The following KIRREL3 variants were observed in gnomAD, a reference collection of about 807,000 sequenced individuals.
KIRREL3 encodes kin of IRRE-like protein 3.
KIRREL3 carries 36 observed loss-of-function variants against 89.7 expected under a neutral mutation model. That is an observed-to-expected ratio of 0.40 (90% CI 0.31 to 0.53). The LOEUF (loss-of-function observed/expected upper bound fraction) is 0.53, where lower values mean the gene tolerates loss of function less well. Among genes scored for constraint, KIRREL3 ranks in the 20% least tolerant of loss-of-function variants. The pLI, the probability that KIRREL3 is intolerant of heterozygous loss-of-function variation, is 0.49. For synonymous variants in KIRREL3, 445 were observed against 441.4 expected, an observed-to-expected ratio of 1.01 and a Z score of -0.10; for missense variants, 864 against 1,056.6, an observed-to-expected ratio of 0.82 and a Z score of 2.53.
chr11:126,863,400 TGC>T (rs1565362638), intron 1 of KIRREL3, among the ~76,000 whole-genome samples: 1 of 45,516 alleles, frequency 2.2e-5, no homozygotes, highest in African/African-American at 8.0e-5. Context: ...CGTGTGTGAG[TGC>T]GTGAGTGCGT....
In KIRREL3 at chr11:126,609,889, T is replaced by A. The variant is rs988101984; in HGVS notation, c.56-46977A>T. On this transcript the variant is annotated intron_variant, in intron 1 of 16. Coordinates refer to ENST00000525144, the MANE Select transcript of KIRREL3 (RefSeq NM_032531.4). The surrounding 1 kb of genome is among the most constrained non-coding windows in gnomAD (Gnocchi z 5.0). The stretch of plus-strand genomic sequence containing the variant: ...AGCTAACATTAATAGAACCTGATGA[T>A]GCGATAGGCACCGAGATAAGAATTT... Among the ~76,000 whole-genome samples, 1 of 152,202 alleles carries A rather than the reference T, an allele frequency of 6.6e-6. No individual in the cohort carries two copies. The highest frequency in any genetic ancestry group is 2.4e-5 in the African/African-American group (1 of 41,448).
intron 5 of KIRREL3, among the ~76,000 whole-genome samples, chr11:126,466,249 A>G (rs892265603): frequency 2.6e-5 from 4 of 152,266 alleles, no homozygotes; most frequent in African/African-American, 9.6e-5. Flanking sequence ...CCACCTAATT[A>G]GAGAAAAAGG....
intron 1 of KIRREL3, among the ~76,000 whole-genome samples, chr11:126,922,042 C>T (rs1947354571): frequency 6.6e-6 from 1 of 151,176 alleles, no homozygotes; most frequent in Non-Finnish European, 1.5e-5. Context: ...ATCTATCTAT[C>T]TTCCTATCTA....
At position 126,775,496 on chromosome 11, in the gene KIRREL3, C is replaced by T. The variant is rs185802178; in HGVS notation, c.56-212584G>A. On this transcript the variant is annotated intron_variant, in intron 1 of 16. Coordinates refer to ENST00000525144, the MANE Select transcript of KIRREL3 (RefSeq NM_032531.4). ...TGTTACTCTCCTTTCATCCCCGTGA[C>T]GACAGGCTTGGCCTTATTTGTGACC... Among the ~76,000 whole-genome samples, 158 of 152,252 alleles carry T rather than the reference C, an allele frequency of 1.0e-3. 2 individuals carry two copies. The highest frequency in any genetic ancestry group is 6.7e-3 in the Admixed American group (102 of 15,298).
Position 126,940,061 on chromosome 11 carries a change from G to A in KIRREL3, c.55+60394C>T, listed in dbSNP as rs1234017451. Among the ~76,000 whole-genome samples the A allele has an allele frequency of 6.6e-6, 1 of 152,022 alleles. No individual in the cohort carries two copies. The highest frequency in any genetic ancestry group is 1.5e-5 in the Non-Finnish European group (1 of 68,006). On this transcript the variant is annotated intron_variant, in intron 1 of 16. Transcript: ENST00000525144. The surrounding 1 kb of genome is among the most constrained non-coding windows in gnomAD (Gnocchi z 4.6). ...AGGCTTTCCCAGAGCCCATCTCTGG[G>A]GATAAAATGGACTCATTTAGCTCAT... is the stretch of plus-strand genomic sequence containing the variant.
Position 126,436,840 on chromosome 11 carries a change from T to G in KIRREL3, c.1523A>C (p.Asp508Ala). Reference protein sequence around the residue: ...NCTAWNSFGSDTEIIRLKEQG... With the variant: ...NCTAWNSFGSATEIIRLKEQG... ...CTCCTTGAGCCGGATGATCTCAGTG[T>G]CGGAGCCGAAGCTGTTCCAGGCCGT... Residue 508 changes from aspartate to alanine, a missense_variant, in exon 12 of 17, where the codon GAC (aspartate) becomes GCC (alanine). Coordinates refer to ENST00000525144, the MANE Select transcript of KIRREL3 (RefSeq NM_032531.4). 1.2e-6 allele frequency: 2 copies of G among 1,613,666 alleles called. No homozygotes were observed. The highest frequency in any genetic ancestry group is 1.7e-6 in the Non-Finnish European group (2 of 1,179,882).
chr11:126,643,521 T>C lies in KIRREL3; in HGVS notation c.56-80609A>G, dbSNP rs546810722. Among the ~76,000 whole-genome samples, 14 of 152,178 alleles carry C rather than the reference T, an allele frequency of 9.2e-5. No homozygotes were observed. The South Asian group carries it at 2.7e-3, about 29-fold the overall frequency. On this transcript the variant is annotated intron_variant, in intron 1 of 16. Transcript: ENST00000525144. This position sits in a 1 kb window ranked among gnomAD's most constrained non-coding sequence, Gnocchi z 4.5. ...TCAGGGAAAGGTGACTAGTGGGAAA[T>C]AGGACTGAAGATGTAGGCTGAGGCG...
intron 1 of KIRREL3, among the ~76,000 whole-genome samples, chr11:126,701,118 T>C (rs1947297241): frequency 6.6e-6 from 1 of 152,184 alleles, no homozygotes; most frequent in African/African-American, 2.4e-5. Context: ...TACAATGAAA[T>C]TATCTCAATG....
intron 1 of KIRREL3, among the ~76,000 whole-genome samples, chr11:126,649,445 T>C (rs756694267): frequency 2.0e-5 from 3 of 152,092 alleles, no homozygotes; most frequent in Non-Finnish European, 4.4e-5. Flanking sequence ...AGCTAGTTAC[T>C]CCCTAGATAA....
At position 126,431,625 on chromosome 11, in the gene KIRREL3, T is replaced by A; in HGVS notation, c.1589-99A>T. 8.2e-7 allele frequency: 1 copy of A among 1,214,706 alleles called. No individual in the cohort carries two copies. Among genetic ancestry groups the A allele is most frequent in the Non-Finnish European group, 1.2e-6 (1 of 862,328 alleles). The allele number at this position is 1,214,706 out of a possible 1,614,324, so 75.2% of individuals were successfully genotyped here. ...TCCTGCGGGGGCAGCCCCTGCCACA[T>A]GGGGCCCTCCTGGGAAATGCCTCAG... On this transcript the variant is annotated intron_variant, in intron 13 of 16. Coordinates refer to ENST00000525144, the MANE Select transcript of KIRREL3 (RefSeq NM_032531.4). This position sits in a 1 kb window ranked among gnomAD's most constrained non-coding sequence, Gnocchi z 7.1.
At chr11:126,852,943 T>C (rs539906182) in intron 1 of KIRREL3, among the ~76,000 whole-genome samples, 1 of 152,308 alleles carries the variant, frequency 6.6e-6, no homozygotes, top group African/African-American at 2.4e-5. Flanking sequence ...TCTTTCTGTG[T>C]CATTTGCCGA....
In KIRREL3 at chr11:126,519,808, C is replaced by G. The variant is rs1204223449; in HGVS notation, c.433+1507G>C. 1.3e-5 allele frequency among the ~76,000 whole-genome samples: 2 copies of G among 152,136 alleles called. No individual in the cohort carries two copies. The highest frequency in any genetic ancestry group is 2.9e-5 in the Non-Finnish European group (2 of 68,038). ...ATTCCTCCTCCTCTCCTCCCACAAC[C>G]CCCACACCACATGGCAGACTCATTC... On this transcript the variant is annotated intron_variant, in intron 4 of 16. Coordinates refer to ENST00000525144, the MANE Select transcript of KIRREL3 (RefSeq NM_032531.4). This position sits in a 1 kb window ranked among gnomAD's most constrained non-coding sequence, Gnocchi z 4.3.
At chr11:126,698,785 T>G (rs1265884925) in intron 1 of KIRREL3, among the ~76,000 whole-genome samples, 1 of 152,234 alleles carries the variant, frequency 6.6e-6, no homozygotes, top group African/African-American at 2.4e-5. Context: ...GCCATTGGCT[T>G]CTCTCCCTGC....
At chr11:126,998,119 A>G (rs149180884) in intron 1 of KIRREL3, among the ~76,000 whole-genome samples, 4 of 152,334 alleles carry the variant, frequency 2.6e-5, no homozygotes, top group African/African-American at 9.6e-5. Flanking sequence ...AAGTTGATGA[A>G]TGCATGACAC....
chr11:126,867,065 G>T lies in KIRREL3; in HGVS notation c.55+133390C>A, dbSNP rs569657365. On this transcript the variant is annotated intron_variant, in intron 1 of 16. Coordinates refer to ENST00000525144, the MANE Select transcript of KIRREL3 (RefSeq NM_032531.4). This position sits in a 1 kb window ranked among gnomAD's most constrained non-coding sequence, Gnocchi z 4.7. The stretch of plus-strand genomic sequence containing the variant: ...GCCAACGGACAGCTAAACTGAAAGA[G>T]CACACTGTAACACACGCCCACTGGG... 3.3e-4 allele frequency among the ~76,000 whole-genome samples: 50 copies of T among 152,306 alleles called. No homozygotes were observed. The highest frequency in any genetic ancestry group is 1.1e-3 in the African/African-American group (45 of 41,578).
At position 126,811,270 on chromosome 11, in the gene KIRREL3, T is replaced by G. The variant is rs1293896917; in HGVS notation, c.55+189185A>C. 6.6e-6 allele frequency among the ~76,000 whole-genome samples: 1 copy of G among 152,220 alleles called. No individual in the cohort carries two copies. Among genetic ancestry groups the G allele is most frequent in the Non-Finnish European group, 1.5e-5 (1 of 68,038 alleles). On this transcript the variant is annotated intron_variant, in intron 1 of 16. Transcript: ENST00000525144. This position sits in a 1 kb window ranked among gnomAD's most constrained non-coding sequence, Gnocchi z 4.3. ...GTCCCTAGTACCCTTCCCACCCGCT[T>G]TCATCCTCTTTCTTCAGAGAGAACT...
chr11:126,990,016 A>T lies in KIRREL3; in HGVS notation c.55+10439T>A, dbSNP rs997220353. On this transcript the variant is annotated intron_variant, in intron 1 of 16. Coordinates refer to ENST00000525144, the MANE Select transcript of KIRREL3 (RefSeq NM_032531.4). The surrounding 1 kb of genome is among the most constrained non-coding windows in gnomAD (Gnocchi z 6.3). ...ATTTGCGGGGAATGACAACAGAAAT[A>T]TTGGCTCCCTGACCCTGGAAGGGTG... Among the ~76,000 whole-genome samples, 1 of 152,180 alleles carries T rather than the reference A, an allele frequency of 6.6e-6. No individual in the cohort carries two copies. Among genetic ancestry groups the T allele is most frequent in the Non-Finnish European group, 1.5e-5 (1 of 68,026 alleles).
chr11:126,626,987 T>G (rs1591836099), intron 1 of KIRREL3, among the ~76,000 whole-genome samples: 1 of 142,384 alleles, frequency 7.0e-6, no homozygotes, highest in Admixed American at 7.2e-5. Context: ...GCCACAAGAG[T>G]GAAACACTGT....
chr11:126,816,881 C>G (rs1000580247), intron 1 of KIRREL3, among the ~76,000 whole-genome samples: 1 of 152,128 alleles, frequency 6.6e-6, no homozygotes, highest in Non-Finnish European at 1.5e-5. Flanking sequence ...AAAAGGCACC[C>G]GGAAATGGCA....
Sources: allele counts gnomAD v4.1 joint callset (sites outside exome capture counted in the v4.1 genomes callset), GRCh38; gene constraint gnomAD v4.1.1; non-coding constraint Gnocchi (gnomAD v3.1); transcripts MANE v1.5; gene names NCBI Gene and HGNC (gene_info 2026-07-23, HGNC 2026-07-21).